TFPI: variants seen among roughly 807,000 people sequenced by gnomAD.
TFPI encodes anti-convertin.
Under a neutral mutation model 34.6 loss-of-function variants are expected in TFPI, and 15 were observed. The observed-to-expected ratio is 0.43, with a 90% CI of 0.29 to 0.67. The LOEUF is 0.67. TFPI is among the 30% of genes least tolerant of loss of function. The pLI, the probability that TFPI is intolerant of heterozygous loss-of-function variation, is 0.15. For synonymous variants in TFPI, 105 were observed against 120.1 expected, an observed-to-expected ratio of 0.87 and a Z score of 0.82; for missense variants, 301 against 364.0, an observed-to-expected ratio of 0.83 and a Z score of 1.41.
intron 1 of TFPI, among the ~76,000 whole-genome samples, chr2:187,532,040 T>G (rs1687984652): frequency 6.6e-6 from 1 of 152,162 alleles, no homozygotes; most frequent in Non-Finnish European, 1.5e-5. Flanking sequence ...GGAAAAGTAA[T>G]ACATGTGTAT....
At position 187,466,851 on chromosome 2, in the gene TFPI, C is replaced by T. The variant is rs375351186; in HGVS notation, c.*85G>A. Reference sequence around the variant, plus strand: ...ATTTAATGAACATATTAATTAAAAGCATTTTAGAAGAAAAATAGAAAATCA... The same window carrying T: ...ATTTAATGAACATATTAATTAAAAGTATTTTAGAAGAAAAATAGAAAATCA... On this transcript the variant is annotated 3_prime_UTR_variant, in exon 8 of 8. Coordinates refer to ENST00000233156, the MANE Select transcript of TFPI (RefSeq NM_006287.6). The T allele has an allele frequency of 8.9e-4, 669 of 754,180 alleles. 19 individuals carry two copies. The South Asian group carries it at 0.012, about 14-fold the overall frequency. The allele number at this position is 754,180 out of a possible 1,614,324, so 46.7% of individuals were successfully genotyped here. A position where few individuals can be genotyped will look rare whatever the true frequency, so the allele number is the denominator to read the frequency against.
At chr2:187,471,441 G>T (rs1003992062) in intron 6 of TFPI, among the ~76,000 whole-genome samples, 1 of 152,040 alleles carries the variant, frequency 6.6e-6, no homozygotes, top group Non-Finnish European at 1.5e-5. Context: ...TACAATGAAA[G>T]AAAATATAAA....
chr2:187,535,086 A>G (rs539896820), intron 1 of TFPI, among the ~76,000 whole-genome samples: 1 of 152,136 alleles, frequency 6.6e-6, no homozygotes, highest in South Asian at 2.1e-4. Context: ...AGATTCATAA[A>G]GCAAGTTATT....
At chr2:187,503,241 A>G (rs2106117395) in intron 2 of TFPI, among the ~76,000 whole-genome samples, 1 of 152,174 alleles carries the variant, frequency 6.6e-6, no homozygotes. Context: ...AGAAAGAGAG[A>G]ATAGCTGAAA....
Sources: gnomAD v4.1 joint callset for allele counts (sites outside exome capture counted in the v4.1 genomes callset) on GRCh38, gnomAD v4.1.1 for gene constraint, MANE v1.5 for transcripts, NCBI Gene and HGNC (gene_info 2026-07-23, HGNC 2026-07-21) for gene names.